Variants in TANGO6 observed in about 807,000 individuals in gnomAD.
TANGO6 encodes transport and golgi organization 6 homolog.
In TANGO6, 90 loss-of-function variants were observed where a neutral mutation model predicts 114.2. The observed-to-expected ratio is 0.79, with a 90% confidence interval of 0.66 to 0.94. TANGO6 has a LOEUF of 0.94. TANGO6 is among the 40% of genes least tolerant of loss of function. The pLI is 0.00. For missense variants in TANGO6, 1,274 were observed against 1,315.3 expected (o/e 0.97, Z 0.49); for synonymous variants, 477 against 509.8 (o/e 0.94, Z 0.87).
chr16:68,845,940 C>T (rs1283503784), intron 1 of TANGO6, among the ~76,000 whole-genome samples: 2 of 152,106 alleles, frequency 1.3e-5, no homozygotes, highest in African/African-American at 4.8e-5. Context: ...GGAACCCCCA[C>T]CTCCCGGGTT....
intron 15 of TANGO6, among the ~76,000 whole-genome samples, chr16:68,988,624 T>C (rs966169237): frequency 6.6e-6 from 1 of 152,128 alleles, no homozygotes; most frequent in Non-Finnish European, 1.5e-5. Context: ...TTTCAGTCTA[T>C]GACCTGTTTC....
intron 16 of TANGO6, among the ~76,000 whole-genome samples, chr16:69,031,640 G>A (rs1293654282): frequency 6.6e-6 from 1 of 151,824 alleles, no homozygotes; most frequent in African/African-American, 2.4e-5. Flanking sequence ...TCAGATGGAC[G>A]GGAAAAGCTT....
chr16:68,912,589 G>A (rs1350397071), intron 11 of TANGO6, among the ~76,000 whole-genome samples: 2 of 152,040 alleles, frequency 1.3e-5, no homozygotes, highest in East Asian at 1.9e-4. Context: ...AGCCGAGATC[G>A]CACCACTGCA....
At chr16:68,973,103 T>C (rs1300914622) in intron 14 of TANGO6, 3 of 455,894 alleles carry the variant, frequency 6.6e-6, no homozygotes, top group Non-Finnish European at 1.3e-5. Flanking sequence ...GCCAGACTTA[T>C]GATTCAAACC....
chr16:68,883,660 T>C (rs1373377461), intron 7 of TANGO6, among the ~76,000 whole-genome samples: 1 of 152,236 alleles, frequency 6.6e-6, no homozygotes, highest in South Asian at 2.1e-4. Flanking sequence ...TTCATTTCTC[T>C]TTGGTATATA....
intron 7 of TANGO6, among the ~76,000 whole-genome samples, chr16:68,893,356 C>A (rs1302927825): frequency 6.6e-6 from 1 of 152,156 alleles, no homozygotes; most frequent in Non-Finnish European, 1.5e-5. Context: ...ATAAATAACT[C>A]TGTGTAAGAC....
intron 14 of TANGO6, among the ~76,000 whole-genome samples, chr16:68,961,609 TG>T (rs1455265020): frequency 2.0e-4 from 31 of 152,366 alleles, no homozygotes; most frequent in African/African-American, 7.0e-4. Context: ...TAAATATGGC[TG>T]TCAGTAAATA....
At chr16:68,950,062 C>G (rs1027898355) in intron 14 of TANGO6, among the ~76,000 whole-genome samples, 2 of 152,154 alleles carry the variant, frequency 1.3e-5, no homozygotes, top group East Asian at 3.9e-4. Context: ...TGTATGATTC[C>G]TATATGAATG....
At chr16:69,028,879 A>C (rs1049454186) in intron 16 of TANGO6, among the ~76,000 whole-genome samples, 5 of 151,650 alleles carry the variant, frequency 3.3e-5, no homozygotes, top group Admixed American at 2.6e-4. Flanking sequence ...AAAAAAGAAA[A>C]AGAAAAACTA....
intron 1 of TANGO6, among the ~76,000 whole-genome samples, chr16:68,852,876 G>A (rs777842100): frequency 2.0e-5 from 3 of 151,556 alleles, no homozygotes; most frequent in East Asian, 1.9e-4. Context: ...ATTATATGGC[G>A]AACACCCTTA....
intron 14 of TANGO6, among the ~76,000 whole-genome samples, chr16:68,972,319 T>TGCG (rs1400542453): frequency 6.6e-6 from 1 of 152,022 alleles, no homozygotes; most frequent in Non-Finnish European, 1.5e-5. Context: ...GCTCAGCAGA[T>TGCG]GCGGCGGATA....
At chr16:69,037,287 A>G (rs771872769) in intron 16 of TANGO6, among the ~76,000 whole-genome samples, 15 of 152,256 alleles carry the variant, frequency 9.9e-5, no homozygotes, top group Non-Finnish European at 1.8e-4. Flanking sequence ...TGGAAGCATG[A>G]CCCGCTCAGC....
chr16:68,984,707 A>T (rs1963874775), intron 15 of TANGO6, among the ~76,000 whole-genome samples: 1 of 151,906 alleles, frequency 6.6e-6, no homozygotes, highest in South Asian at 2.1e-4. Context: ...TTTTTTGTAG[A>T]TGTGGGGTCT....
At chr16:68,901,152 T>C (rs182661328) in intron 8 of TANGO6, among the ~76,000 whole-genome samples, 2 of 152,324 alleles carry the variant, frequency 1.3e-5, no homozygotes, top group East Asian at 3.9e-4. Context: ...CGATTTTTGG[T>C]GTTTGGAGAT....
At chr16:69,017,361 T>C (rs1959317676) in intron 15 of TANGO6, among the ~76,000 whole-genome samples, 1 of 152,206 alleles carries the variant, frequency 6.6e-6, no homozygotes, top group African/African-American at 2.4e-5. Context: ...CATTATTTGA[T>C]AAGTTAATAT....
At chr16:68,845,674 A>G (rs867532347) in intron 1 of TANGO6, among the ~76,000 whole-genome samples, 1 of 152,046 alleles carries the variant, frequency 6.6e-6, no homozygotes, top group South Asian at 2.1e-4. Flanking sequence ...CTCTGTGTCT[A>G]CAAAAAACTA....
chr16:68,845,413 T>A (rs906473717), intron 1 of TANGO6, among the ~76,000 whole-genome samples: 1 of 152,234 alleles, frequency 6.6e-6, no homozygotes, highest in Non-Finnish European at 1.5e-5. Flanking sequence ...CACATATATG[T>A]ACTCATTTAA....
At chr16:68,931,908 G>A (rs1963244577) in intron 14 of TANGO6, among the ~76,000 whole-genome samples, 2 of 152,002 alleles carry the variant, frequency 1.3e-5, no homozygotes, top group Non-Finnish European at 1.5e-5. Context: ...AGGCTGGAGT[G>A]CAGTGGCACA....
intron 17 of TANGO6, among the ~76,000 whole-genome samples, chr16:69,041,446 CA>C (rs112497627): frequency 0.049 from 5,693 of 116,982 alleles, 240 homozygotes; most frequent in South Asian, 0.13. Flanking sequence ...AATTCTGTCT[CA>C]AAAAAAAAAA....
Sources: allele counts gnomAD v4.1 joint callset (sites outside exome capture counted in the v4.1 genomes callset), GRCh38; gene constraint gnomAD v4.1.1; transcripts MANE v1.5; gene names NCBI Gene and HGNC (gene_info 2026-07-23, HGNC 2026-07-21).